Variants in RHPN2 observed in about 807,000 individuals in gnomAD.
The protein encoded by RHPN2 is rhophilin-2.
RHPN2 carries 40 observed loss-of-function variants against 79.0 expected under a neutral mutation model. That is an observed-to-expected ratio of 0.51 (90% CI 0.39 to 0.66). The LOEUF is 0.66. Among genes scored for constraint, RHPN2 ranks in the 30% least tolerant of loss-of-function variants. The pLI is 0.00. For synonymous variants in RHPN2, 285 were observed against 363.5 expected, an observed-to-expected ratio of 0.78 and a Z score of 2.46; for missense variants, 686 against 883.5, an observed-to-expected ratio of 0.78 and a Z score of 2.83.
At chr19:32,983,835 C>G (rs1568307990) in intron 14 of RHPN2, among the ~76,000 whole-genome samples, 1 of 151,922 alleles carries the variant, frequency 6.6e-6, no homozygotes, top group Non-Finnish European at 1.5e-5. Context: ...CCATGTTGGC[C>G]AGGTTGGTCT....
intron 1 of RHPN2, among the ~76,000 whole-genome samples, chr19:33,057,215 T>C (rs190799640): frequency 1.3e-5 from 2 of 149,210 alleles, no homozygotes; most frequent in Admixed American, 1.3e-4. Flanking sequence ...TTGTGGCTCA[T>C]GCCTGTTGTC....
chr19:33,015,332 G>A (rs573051358), intron 4 of RHPN2, among the ~76,000 whole-genome samples: 2 of 152,346 alleles, frequency 1.3e-5, no homozygotes, highest in East Asian at 3.9e-4. Flanking sequence ...GGCTGAGGCA[G>A]GAGAATAGCT....
intron 14 of RHPN2, among the ~76,000 whole-genome samples, chr19:32,989,250 C>G (rs558171484): frequency 6.6e-6 from 1 of 152,170 alleles, no homozygotes; most frequent in East Asian, 1.9e-4. Context: ...GCTGGGGTTA[C>G]AGGCGTGCAC....
intron 4 of RHPN2, among the ~76,000 whole-genome samples, chr19:33,014,334 C>G (rs1971861181): frequency 6.6e-6 from 1 of 151,986 alleles, no homozygotes; most frequent in Non-Finnish European, 1.5e-5. Context: ...AGATGAGGGT[C>G]TTGCTCTGTC....
chr19:33,051,667 C>T, intron 1 of RHPN2: 1 of 201,018 alleles, frequency 5.0e-6, no homozygotes. Flanking sequence ...CAGATCACAG[C>T]TACAGTGACA....
intron 1 of RHPN2, among the ~76,000 whole-genome samples, chr19:33,051,926 G>A (rs1414397557): frequency 1.3e-5 from 2 of 150,872 alleles, no homozygotes; most frequent in East Asian, 3.9e-4. Context: ...GGGAGTCGGA[G>A]GTTGCAGTGA....
At chr19:32,991,758 C>T in intron 13 of RHPN2, 65 bp downstream of exon 13, 1 of 1,604,078 alleles carries the variant, frequency 6.2e-7, no homozygotes. Flanking sequence ...CATGGGTGAA[C>T]CCACCCTAAA....
chr19:33,043,913 A>G (rs1972121197), intron 2 of RHPN2, among the ~76,000 whole-genome samples: 1 of 152,134 alleles, frequency 6.6e-6, no homozygotes, highest in African/African-American at 2.4e-5. Context: ...TGCACCAGGC[A>G]TAGTGTCAGG....
At position 33,043,780 on chromosome 19, in the gene RHPN2, A is replaced by G. The variant is rs924281986; in HGVS notation, c.185+469T>C. Reference sequence around the variant, plus strand: ...GAGAGCATACTAATGAGTGCCCTAGATCACGGGGGTGTACTGAGCCCTCTC... The same window carrying G: ...GAGAGCATACTAATGAGTGCCCTAGGTCACGGGGGTGTACTGAGCCCTCTC... On this transcript the variant is annotated intron_variant, in intron 2 of 14. Coordinates refer to ENST00000254260, the MANE Select transcript of RHPN2 (RefSeq NM_033103.5). 5.9e-5 allele frequency among the ~76,000 whole-genome samples: 9 copies of G among 152,170 alleles called. No homozygotes were observed. In the East Asian group the frequency reaches 1.7e-3, roughly 29 times the overall value.
At chr19:33,021,356 A>G (rs1971922193) in intron 4 of RHPN2, among the ~76,000 whole-genome samples, 1 of 151,672 alleles carries the variant, frequency 6.6e-6, no homozygotes, top group Admixed American at 6.6e-5. Context: ...CTCTATCTCC[A>G]TTTTTTTTCT....
rs543894235 is a variant in RHPN2 at position 32,991,437 on chromosome 19, C to T, written c.1644+386G>A. On this transcript the variant is annotated intron_variant, in intron 13 of 14. Coordinates refer to ENST00000254260, the MANE Select transcript of RHPN2 (RefSeq NM_033103.5). ...TCGCGCCACTGCACTCCAGCCTGGG[C>T]GACAGAGTGAGACTGCGTCTCAAAA... 2.2e-4 allele frequency: 63 copies of T among 280,746 alleles called. No homozygotes were observed. The Admixed American group carries it at 2.6e-3, about 11-fold the overall frequency. 17.4% of individuals were successfully genotyped at this position (280,746 alleles called of 1,614,324 possible).
At chr19:33,012,762 C>T in intron 4 of RHPN2, 38 bp from the exon 5 acceptor site, 1 of 1,209,270 alleles carries the variant, frequency 8.3e-7, no homozygotes, top group East Asian at 2.3e-5. Flanking sequence ...TAAAGTGTGG[C>T]TGAAAACCAT....
intron 14 of RHPN2, among the ~76,000 whole-genome samples, chr19:32,986,158 T>C (rs1310048487): frequency 6.6e-6 from 1 of 152,236 alleles, no homozygotes; most frequent in Non-Finnish European, 1.5e-5. Flanking sequence ...GATACACATC[T>C]AGACTGTCTG....
In RHPN2 at chr19:33,040,183, G is replaced by T. The variant is rs148922624; in HGVS notation, c.185+4066C>A. Among the ~76,000 whole-genome samples the T allele has an allele frequency of 3.1e-3, 448 of 145,924 alleles. 5 individuals carry two copies. Among genetic ancestry groups the T allele is most frequent in the African/African-American group, 0.011 (422 of 39,372 alleles). On this transcript the variant is annotated intron_variant, in intron 2 of 14. Transcript: ENST00000254260. ...GTTAAATGACCTGCTCTTGTTCAAA[G>T]AATCAAAGAACTAGTTAGCTAAAAC...
intron 4 of RHPN2, among the ~76,000 whole-genome samples, chr19:33,016,486 G>A (rs1356190697): frequency 6.6e-6 from 1 of 152,152 alleles, no homozygotes; most frequent in African/African-American, 2.4e-5. Context: ...TTCGAGAACA[G>A]CCTGGACAAC....
intron 4 of RHPN2, among the ~76,000 whole-genome samples, chr19:33,018,018 G>T (rs528003751): frequency 2.6e-5 from 4 of 152,124 alleles, no homozygotes; most frequent in Non-Finnish European, 5.9e-5. Flanking sequence ...GCCGGGCGTG[G>T]TAGTGGGTGC....
At chr19:32,998,468 C>A (rs987037112) in intron 10 of RHPN2, among the ~76,000 whole-genome samples, 1 of 151,910 alleles carries the variant, frequency 6.6e-6, no homozygotes, top group African/African-American at 2.4e-5. Context: ...CATAGTGAGA[C>A]CGCATCTCTA....
intron 1 of RHPN2, among the ~76,000 whole-genome samples, chr19:33,049,762 G>A (rs1258567356): frequency 1.3e-5 from 2 of 152,070 alleles, no homozygotes; most frequent in Non-Finnish European, 1.5e-5. Context: ...ACAGCATCTC[G>A]GATCCCATGG....
intron 14 of RHPN2, among the ~76,000 whole-genome samples, chr19:32,990,013 G>A (rs1971641843): frequency 6.6e-6 from 1 of 152,040 alleles, no homozygotes; most frequent in Non-Finnish European, 1.5e-5. Context: ...GCTGAGGCAG[G>A]AGAATGGTGT....
Sources: allele counts gnomAD v4.1 joint callset (sites outside exome capture counted in the v4.1 genomes callset), GRCh38; gene constraint gnomAD v4.1.1; transcripts MANE v1.5; gene names NCBI Gene and HGNC (gene_info 2026-07-23, HGNC 2026-07-21).